The following MEGF6 variants were observed in gnomAD, a reference collection of about 807,000 sequenced individuals.
MEGF6 encodes multiple EGF like domains 6, also known as multiple epidermal growth factor-like domains protein 6.
MEGF6 carries 184 observed loss-of-function variants against 207.1 expected under a neutral mutation model. That is an observed-to-expected ratio of 0.89 (90% CI 0.79 to 1.00). The LOEUF (loss-of-function observed/expected upper bound fraction) is 1.00. MEGF6 is among the 50% of genes least tolerant of loss of function. The probability of loss-of-function intolerance (pLI) is 0.00; values close to 1 mark genes in which losing one functional copy is unlikely to be tolerated. For synonymous variants in MEGF6, 1,038 were observed against 910.0 expected (o/e 1.14, Z -2.53); for missense variants, 2,282 against 2,202.9 (o/e 1.04, Z -0.72).
Position 3,509,187 on chromosome 1 carries a change from G to C in MEGF6, c.1416C>G (p.Pro472=). The C allele has an allele frequency of 1.3e-6, 2 of 1,575,250 alleles. No individual in the cohort carries two copies. The highest frequency in any genetic ancestry group is 1.4e-5 in the African/African-American group (1 of 73,482). ...GCTCGTCCTGGAGCACGGCAATGTG[G>C]GGCAGGGGCCGCACGAAAGGCAGCT... ...DGELPFVRPL[P]HIAVLQDELP... Residue 472 remains proline (P), a synonymous_variant, in exon 12 of 37, where the codon CCC becomes CCG. Transcript: ENST00000356575.
At position 3,508,619 on chromosome 1, in the gene MEGF6, G is replaced by A. The variant is rs61735125; in HGVS notation, c.1599C>T (p.Cys533=). Residue 533 remains cysteine (C), a synonymous_variant, in exon 13 of 37, where the codon TGC becomes TGT. Transcript: ENST00000356575. ...TCDDCRNGGT[C]LLGLDGCDCP... is the part of the protein sequence containing the mutation. ...AATCACAGCCATCCAGGCCCAGGAG[G>A]CAGGTCCCTCCGTTCCTGCAGTCAT... 0.06 allele frequency: 97,522 copies of A among 1,613,526 alleles called. 3,173 individuals carry two copies. The highest frequency in any genetic ancestry group is 0.11 in the East Asian group (4,812 of 44,864).
chr1:3,593,106 C>T (rs10909980), intron 3 of MEGF6, among the ~76,000 whole-genome samples: 84,810 of 152,062 alleles, frequency 0.56, 26,359 homozygotes, highest in Non-Finnish European at 0.71. Flanking sequence ...CTGGCCACAG[C>T]ACAGGCAGAC....
chr1:3,564,998 T>C (rs1341859633), intron 4 of MEGF6, among the ~76,000 whole-genome samples: 1 of 152,080 alleles, frequency 6.6e-6, no homozygotes, highest in Non-Finnish European at 1.5e-5. Flanking sequence ...GCACCACCGC[T>C]GAATTACACC....
chr1:3,617,026 G>A, the MEGF6 span, among the ~76,000 whole-genome samples: 5 of 152,070 alleles, frequency 3.3e-5, no homozygotes, highest in Non-Finnish European at 5.9e-5. Context: ...ACACAGGCCT[G>A]GGCTGCGGCG....
At chr1:3,504,325 A>T (rs1641024171) in intron 17 of MEGF6, among the ~76,000 whole-genome samples, 1 of 152,104 alleles carries the variant, frequency 6.6e-6, no homozygotes, top group Admixed American at 6.5e-5. Context: ...CGGCAGCTCC[A>T]TTACTCATGC....
At chr1:3,549,414 G>A (rs768871855) in intron 4 of MEGF6, among the ~76,000 whole-genome samples, 2 of 152,176 alleles carry the variant, frequency 1.3e-5, no homozygotes, top group East Asian at 1.9e-4. Context: ...AGCAGGTGAC[G>A]GCTCCTCCCC....
intron 4 of MEGF6, among the ~76,000 whole-genome samples, chr1:3,544,585 G>A (rs1176826517): frequency 6.6e-6 from 1 of 152,174 alleles, no homozygotes; most frequent in Non-Finnish European, 1.5e-5. Flanking sequence ...ACGCTGGCCA[G>A]CCTGGGGAGT....
intron 3 of MEGF6, 147 bp downstream of exon 3, chr1:3,595,191 A>T: frequency 1.7e-6 from 1 of 593,842 alleles, no homozygotes; most frequent in South Asian, 2.2e-5. Flanking sequence ...AGCCTTTGGC[A>T]AACGGCGTTG....
At chr1:3,598,761 C>CCG (rs1644113492) in intron 2 of MEGF6, among the ~76,000 whole-genome samples, 1 of 151,278 alleles carries the variant, frequency 6.6e-6, no homozygotes, top group Non-Finnish European at 1.5e-5. Context: ...TCTGCAGCCA[C>CCG]CAGCTCACAG....
At chr1:3,517,512 C>T (rs1012206526) in intron 5 of MEGF6, among the ~76,000 whole-genome samples, 1 of 152,236 alleles carries the variant, frequency 6.6e-6, no homozygotes. Context: ...TCCTGTGCCA[C>T]GGATTCCCGG....
At chr1:3,519,478 A>G (rs1641664150) in intron 5 of MEGF6, among the ~76,000 whole-genome samples, 1 of 152,148 alleles carries the variant, frequency 6.6e-6, no homozygotes, top group Non-Finnish European at 1.5e-5. Flanking sequence ...ACACGCGCCT[A>G]CTCGCTGCTG....
intron 4 of MEGF6, among the ~76,000 whole-genome samples, chr1:3,578,538 G>GT (rs113141110): frequency 6.1e-5 from 5 of 81,742 alleles, no homozygotes; most frequent in South Asian, 6.8e-4. Context: ...AGGGGCCCTG[G>GT]GGGGGGGGGG....
chr1:3,555,381 G>T (rs1326635558), intron 4 of MEGF6, among the ~76,000 whole-genome samples: 1 of 152,212 alleles, frequency 6.6e-6, no homozygotes, highest in Non-Finnish European at 1.5e-5. Flanking sequence ...CAGGCCGCTG[G>T]GTGTGGCTGA....
At chr1:3,548,942 G>A (rs1570114251) in intron 4 of MEGF6, among the ~76,000 whole-genome samples, 1 of 152,190 alleles carries the variant, frequency 6.6e-6, no homozygotes, top group South Asian at 2.1e-4. Flanking sequence ...CTGGCACTCA[G>A]GACAGCCACC....
chr1:3,546,522 G>T (rs1397271835), intron 4 of MEGF6, among the ~76,000 whole-genome samples: 1 of 152,226 alleles, frequency 6.6e-6, no homozygotes, highest in Non-Finnish European at 1.5e-5. Context: ...GAGGGTGCCA[G>T]GGAGGGCACC....
At chr1:3,523,079 G>GGT (rs1553195919) in intron 5 of MEGF6, among the ~76,000 whole-genome samples, 2 of 151,586 alleles carry the variant, frequency 1.3e-5, no homozygotes, top group African/African-American at 2.4e-5. Context: ...TGTGCCGGGG[G>GGT]GGGGGCCCCA....
At chr1:3,523,116 A>C (rs1641825129) in intron 5 of MEGF6, among the ~76,000 whole-genome samples, 1 of 151,000 alleles carries the variant, frequency 6.6e-6, no homozygotes, top group African/African-American at 2.4e-5. Flanking sequence ...CTGCCACATC[A>C]CAGGCAGGAC....
rs1374471767 is a variant in MEGF6, at chr1:3,580,380, C to CA, written c.377-452_377-451insT. On this transcript the variant is annotated intron_variant, in intron 3 of 36. Transcript: ENST00000356575. ...GAACCTACTAGGTTGGCCCCAGCCC[C>CA]GGGAGGGGAGGCTCCGGCCCAGGCC... 6.6e-5 allele frequency among the ~76,000 whole-genome samples: 10 copies of CA among 152,282 alleles called. No individual in the cohort carries two copies. In the East Asian group the frequency reaches 1.9e-3, roughly 30 times the overall value.
intron 26 of MEGF6, chr1:3,497,638 G>C (rs114672858): frequency 3.2e-6 from 2 of 632,632 alleles, no homozygotes; most frequent in East Asian, 6.5e-5. Flanking sequence ...GGACGAGACA[G>C]ATAGGGCTGA....
Sources: gnomAD v4.1 joint callset for allele counts (sites outside exome capture counted in the v4.1 genomes callset) on GRCh38, gnomAD v4.1.1 for gene constraint, MANE v1.5 for transcripts, NCBI Gene and HGNC (gene_info 2026-07-23, HGNC 2026-07-21) for gene names.